Variants in TRMT11 observed in about 807,000 individuals in gnomAD.
The protein encoded by TRMT11 is tRNA methyltransferase 11, also known as tRNA (guanine(10)-N(2))-methyltransferase TRMT11.
Under a neutral mutation model 62.8 loss-of-function variants are expected in TRMT11, and 53 were observed. That is an observed-to-expected ratio of 0.84 (90% confidence interval 0.68 to 1.06). The LOEUF is 1.06. TRMT11 is among the 50% of genes least tolerant of loss of function. The pLI is 0.00. For missense variants in TRMT11, 556 were observed against 553.4 expected, an observed-to-expected ratio of 1.00 and a Z score of -0.05; for synonymous variants, 188 against 190.3, an observed-to-expected ratio of 0.99 and a Z score of 0.10.
At chr6:126,011,568 A>G (rs1422137560) in intron 9 of TRMT11, 151 bp downstream of exon 9, 5 of 661,958 alleles carry the variant, frequency 7.6e-6, no homozygotes, top group East Asian at 5.6e-5. Context: ...GTAAGGAGAA[A>G]GTTATGAAGG....
chr6:126,247,350 C>T, the TRMT11 span, among the ~76,000 whole-genome samples: 410 of 151,726 alleles, frequency 2.7e-3, 1 homozygote, highest in African/African-American at 9.2e-3. Context: ...CACGCACACA[C>T]GCACACACAT....
At chr6:125,987,246 G>A (rs1789801747) in intron 1 of TRMT11, 1 of 152,172 alleles carries the variant, frequency 6.6e-6, no homozygotes, top group Non-Finnish European at 1.5e-5. Flanking sequence ...GCACGTGGAA[G>A]GGAAATCTAA....
chr6:126,197,641 T>C (rs936224739), intron 1 of TRMT11, among the ~76,000 whole-genome samples: 4 of 152,218 alleles, frequency 2.6e-5, no homozygotes, highest in Admixed American at 2.0e-4. Flanking sequence ...TATATCTGCA[T>C]TGTACAAAGC....
intron 1 of TRMT11, among the ~76,000 whole-genome samples, chr6:126,188,819 C>T (rs1778557462): frequency 6.6e-6 from 1 of 152,062 alleles, no homozygotes; most frequent in Non-Finnish European, 1.5e-5. Context: ...ATAAATCTGA[C>T]AACTGATTGA....
chr6:126,206,439 A>C (rs763275147), downstream of TRMT11, among the ~76,000 whole-genome samples: 1 of 152,224 alleles, frequency 6.6e-6, no homozygotes, highest in Non-Finnish European at 1.5e-5. Flanking sequence ...TATGGACCAC[A>C]CTTTGAGTAG....
At chr6:126,241,700 A>G in the TRMT11 span, among the ~76,000 whole-genome samples, 1 of 152,220 alleles carries the variant, frequency 6.6e-6, no homozygotes, top group Non-Finnish European at 1.5e-5. Context: ...AAACCACATG[A>G]TTATCTCAAT....
At chr6:126,076,039 A>G (rs1363160147) in intron 17 of TRMT11, among the ~76,000 whole-genome samples, 1 of 135,708 alleles carries the variant, frequency 7.4e-6, no homozygotes, top group Non-Finnish European at 1.5e-5. Flanking sequence ...CTGCCACTAT[A>G]TTTTTGTCAA....
intron 21 of TRMT11, among the ~76,000 whole-genome samples, chr6:126,166,123 T>C (rs939403813): frequency 6.6e-6 from 1 of 152,154 alleles, no homozygotes; most frequent in African/African-American, 2.4e-5. Context: ...GCTGTGTTTT[T>C]CAGCTCCATC....
downstream of TRMT11, among the ~76,000 whole-genome samples, chr6:126,040,709 C>T (rs141187919): frequency 3.9e-5 from 6 of 152,024 alleles, no homozygotes; most frequent in African/African-American, 1.4e-4. Context: ...TCTAGGTGGT[C>T]TGTGGACTGG....
chr6:126,216,435 T>G, the TRMT11 span, among the ~76,000 whole-genome samples: 1 of 152,124 alleles, frequency 6.6e-6, no homozygotes, highest in Non-Finnish European at 1.5e-5. Flanking sequence ...TTTCAGGAAA[T>G]TTTTCAATTT....
the TRMT11 span, among the ~76,000 whole-genome samples, chr6:126,222,439 T>C: frequency 6.6e-6 from 1 of 152,228 alleles, no homozygotes; most frequent in Non-Finnish European, 1.5e-5. Flanking sequence ...ATTTTTCCTA[T>C]CCATAAGTAT....
At chr6:126,260,248 C>T in the TRMT11 span, among the ~76,000 whole-genome samples, 38 of 152,240 alleles carry the variant, frequency 2.5e-4, no homozygotes, top group African/African-American at 8.9e-4. Context: ...ACTGGGCTAA[C>T]ATAAAGAGTC....
chr6:126,168,006 T>G (rs1176909220), intron 21 of TRMT11, among the ~76,000 whole-genome samples: 1 of 152,232 alleles, frequency 6.6e-6, no homozygotes, highest in Non-Finnish European at 1.5e-5. Context: ...GGTCAGTGTC[T>G]CCCATTTATA....
chr6:126,191,464 C>CTTTT (rs77414207), intron 1 of TRMT11, among the ~76,000 whole-genome samples: 4 of 102,374 alleles, frequency 3.9e-5, no homozygotes, highest in African/African-American at 7.0e-5. Context: ...TCCTACTTGT[C>CTTTT]TTTTTTTTTT....
chr6:126,106,456 C>G (rs1026533640), intron 17 of TRMT11, among the ~76,000 whole-genome samples: 2 of 152,098 alleles, frequency 1.3e-5, no homozygotes, highest in Non-Finnish European at 2.9e-5. Flanking sequence ...CCAGATGGAT[C>G]TTTTAAGAAA....
intron 12 of TRMT11, 101 bp from the exon 13 acceptor site, chr6:126,038,604 G>A: frequency 1.1e-6 from 1 of 946,392 alleles, no homozygotes; most frequent in South Asian, 1.9e-5. Context: ...ATGCACTAGA[G>A]AGTGAGATTT....
Position 126,146,897 on chromosome 6 carries a change from T to C in TRMT11, c.*1824-27928T>C, listed in dbSNP as rs1777981429. Reference sequence around the variant, plus strand: ...ACTAAATTATTTATATTGTTTCTACTAAAAGTGATTATTAGACATAATGTC... The same window carrying C: ...ACTAAATTATTTATATTGTTTCTACCAAAAGTGATTATTAGACATAATGTC... On this transcript the variant is annotated intron_variant and NMD_transcript_variant, in intron 21 of 22. Coordinates refer to the TRMT11 transcript ENST00000648977. Among the ~76,000 whole-genome samples the C allele has an allele frequency of 5.2e-5, 2 of 38,644 alleles. 1 individual carries two copies. The highest frequency in any genetic ancestry group is 1.4e-4 in the Non-Finnish European group (2 of 13,800). 25.4% of individuals were successfully genotyped at this position (38,644 alleles called of 152,430 possible).
At chr6:126,048,103 C>T (rs1776112222) in intron 16 of TRMT11, among the ~76,000 whole-genome samples, 1 of 152,198 alleles carries the variant, frequency 6.6e-6, no homozygotes, top group African/African-American at 2.4e-5. Context: ...TGGCTCAGCA[C>T]CCTTGTTTCA....
At chr6:126,222,783 A>C in the TRMT11 span, among the ~76,000 whole-genome samples, 2 of 151,922 alleles carry the variant, frequency 1.3e-5, no homozygotes. Context: ...CCATCTTGCC[A>C]CTCTATGCCT....
Sources: gnomAD v4.1 joint callset for allele counts (sites outside exome capture counted in the v4.1 genomes callset) on GRCh38, gnomAD v4.1.1 for gene constraint, MANE v1.5 for transcripts, NCBI Gene and HGNC (gene_info 2026-07-23, HGNC 2026-07-21) for gene names.